The following DTNA variants were observed in gnomAD, a reference collection of about 807,000 sequenced individuals.
The protein encoded by DTNA is dystrobrevin alpha.
A neutral mutation model predicts 100.7 loss-of-function variants in DTNA; 43 were observed. The observed-to-expected ratio is 0.43, with a 90% confidence interval of 0.33 to 0.55. The LOEUF is 0.55. DTNA is among the 20% of genes least tolerant of loss of function. The pLI, the probability that DTNA is intolerant of heterozygous loss-of-function variation, is 0.04. For missense variants in DTNA, 798 were observed against 953.9 expected (o/e 0.84, Z 2.15); for synonymous variants, 349 against 347.9 (o/e 1.00, Z -0.04).
At chr18:34,793,781 G>A (rs1481710932) in intron 3 of DTNA, among the ~76,000 whole-genome samples, 1 of 152,166 alleles carries the variant, frequency 6.6e-6, no homozygotes, top group East Asian at 1.9e-4. Flanking sequence ...GATAATAGCT[G>A]TATTTCAAGA....
chr18:34,846,567 G>A (rs112314612), intron 13 of DTNA, among the ~76,000 whole-genome samples: 1,920 of 152,148 alleles, frequency 0.013, 42 homozygotes, highest in African/African-American at 0.043. Flanking sequence ...TAAGTCTAGA[G>A]TGGAAGTATT....
intron 1 of DTNA, among the ~76,000 whole-genome samples, chr18:34,669,692 G>A (rs1292470242): frequency 3.9e-5 from 6 of 152,098 alleles, no homozygotes; most frequent in African/African-American, 1.4e-4. Context: ...ATGAAGCTTA[G>A]TTTGGCTGGA....
At chr18:34,829,837 G>A (rs1022347938) in intron 11 of DTNA, among the ~76,000 whole-genome samples, 1 of 152,234 alleles carries the variant, frequency 6.6e-6, no homozygotes, top group African/African-American at 2.4e-5. Flanking sequence ...TAAGGAGTCT[G>A]TTGGAAAGAT....
intron 1 of DTNA, among the ~76,000 whole-genome samples, chr18:34,703,209 G>A (rs1199107316): frequency 2.0e-5 from 3 of 152,146 alleles, no homozygotes; most frequent in African/African-American, 7.2e-5. Context: ...CTGGGATGTA[G>A]AGCGTTCCTA....
In DTNA at chr18:34,863,995, T is replaced by C. The variant is rs1392628059; in HGVS notation, c.1676T>C (p.Met559Thr). The change falls in exon 17 of 23, where the codon ATG (methionine) becomes ACG (threonine). Residue 559 changes from methionine to threonine, a missense_variant. Around this residue, in one of 6 missense-constraint regions of DTNA, gnomAD observed 26 missense variants for 55.0 expected, o/e 0.47. Transcript: ENST00000444659. Reference protein sequence around the residue: ...RQRKDELEQRMSALQESRREL... With the variant: ...RQRKDELEQRTSALQESRREL... ...CGCAAAGATGAGCTGGAACAGAGAA[T>C]GTCTGCTCTCCAGGAGAGCCGGAGA... The C allele has an allele frequency of 3.1e-6, 5 of 1,612,184 alleles. No homozygotes were observed. Among genetic ancestry groups the C allele is most frequent in the African/African-American group, 2.7e-5 (2 of 74,892 alleles).
intron 1 of DTNA, among the ~76,000 whole-genome samples, chr18:34,616,723 T>C (rs2055362416): frequency 6.6e-6 from 1 of 152,184 alleles, no homozygotes; most frequent in Non-Finnish European, 1.5e-5. Context: ...AGCAATATGG[T>C]CATATTAACA....
intron 13 of DTNA, among the ~76,000 whole-genome samples, chr18:34,839,933 ATGCTCCT>A (rs1389621840): frequency 6.6e-6 from 1 of 152,098 alleles, no homozygotes; most frequent in Non-Finnish European, 1.5e-5. Flanking sequence ...CCATTGCTCC[ATGCTCCT>A]TGCCCTCACC....
At chr18:34,799,860 T>C (rs913469591) in intron 4 of DTNA, among the ~76,000 whole-genome samples, 2 of 152,148 alleles carry the variant, frequency 1.3e-5, no homozygotes, top group African/African-American at 2.4e-5. Context: ...ATTCCAACAG[T>C]ATTGACCCCT....
intron 18 of DTNA, among the ~76,000 whole-genome samples, chr18:34,875,876 C>G (rs1224080477): frequency 6.6e-6 from 1 of 152,144 alleles, no homozygotes; most frequent in Non-Finnish European, 1.5e-5. Flanking sequence ...CTCTGTAAGG[C>G]AGGGCTACAG....
intron 1 of DTNA, among the ~76,000 whole-genome samples, chr18:34,729,574 TA>T (rs536169581): frequency 4.1e-4 from 63 of 152,348 alleles, no homozygotes; most frequent in Non-Finnish European, 7.9e-4. Context: ...TTTCACACTT[TA>T]AAATCAGATG....
Position 34,875,353 on chromosome 18 carries a change from T to C in DTNA, c.1858T>C (p.Ser620Pro), listed in dbSNP as rs1324509307. The C allele has an allele frequency of 6.2e-7, 1 of 1,614,200 alleles. No individual in the cohort carries two copies. Among genetic ancestry groups the C allele is most frequent in the Non-Finnish European group, 8.5e-7 (1 of 1,180,032 alleles). ...CACCCCGACGCACACGCCGCAGGAC[T>C]CCCTCACAGGAGTAGGGGGAGATGT... ...CSTPTHTPQD[S>P]LTGVGGDVQE... Residue 620 changes from serine to proline, a missense_variant, in exon 18 of 23, where the codon TCC becomes CCC. By Grantham distance (74) the Ser-to-Pro change is moderately conservative. Transcript: ENST00000444659.
intron 10 of DTNA, among the ~76,000 whole-genome samples, chr18:34,828,382 G>C (rs544588062): frequency 6.6e-6 from 1 of 152,244 alleles, no homozygotes; most frequent in African/African-American, 2.4e-5. Context: ...CATGGAGAAG[G>C]CTCACGGGAA....
At chr18:34,523,359 C>A (rs913530406) in intron 1 of DTNA, among the ~76,000 whole-genome samples, 1 of 152,152 alleles carries the variant, frequency 6.6e-6, no homozygotes, top group Admixed American at 6.5e-5. Context: ...GCCTGTAGCA[C>A]AGGCAAAAAC....
At chr18:34,787,927 G>A (rs963334874) in intron 3 of DTNA, among the ~76,000 whole-genome samples, 1 of 152,082 alleles carries the variant, frequency 6.6e-6, no homozygotes, top group African/African-American at 2.4e-5. Context: ...TAAATATTAG[G>A]TTAAGAATGC....
chr18:34,652,520 C>G (rs1008252240), intron 1 of DTNA, among the ~76,000 whole-genome samples: 2 of 152,210 alleles, frequency 1.3e-5, no homozygotes, highest in African/African-American at 4.8e-5. Context: ...TACTGAGTAA[C>G]TGGTACATGC....
chr18:34,756,121 T>C, intron 2 of DTNA, 78 bp downstream of exon 2: 1 of 1,482,364 alleles, frequency 6.7e-7, no homozygotes, highest in Non-Finnish European at 9.3e-7. Flanking sequence ...ACCATTTATC[T>C]TTATGATATT....
At chr18:34,838,300 A>G in intron 12 of DTNA, 129 bp downstream of exon 12, 1 of 936,668 alleles carries the variant, frequency 1.1e-6, no homozygotes, top group African/African-American at 1.6e-5. Context: ...GCTTTAACCC[A>G]GTTAACAGCA....
rs112916053 is a variant in DTNA, at chr18:34,558,942, C to T, written c.-2+65428C>T. ...TGATGGAGATGGTTGACAGACTTTGCCTGTGACAAACTGCATATGCTTGTT... is the reference window on the plus strand; with the variant it reads ...TGATGGAGATGGTTGACAGACTTTGTCTGTGACAAACTGCATATGCTTGTT... On this transcript the variant is annotated intron_variant, in intron 1 of 19. Coordinates refer to the DTNA transcript ENST00000283365. Among the ~76,000 whole-genome samples, 354 of 152,300 alleles carry T rather than the reference C, an allele frequency of 2.3e-3. 2 individuals carry two copies. The highest frequency in any genetic ancestry group is 8.1e-3 in the African/African-American group (337 of 41,552).
intron 1 of DTNA, among the ~76,000 whole-genome samples, chr18:34,632,996 A>C (rs2058257665): frequency 6.6e-6 from 1 of 152,212 alleles, no homozygotes; most frequent in African/African-American, 2.4e-5. Flanking sequence ...GGATTAAAAA[A>C]ATTCTGAAAG....
Sources: allele counts gnomAD v4.1 joint callset (sites outside exome capture counted in the v4.1 genomes callset), GRCh38; gene constraint gnomAD v4.1.1; regional missense constraint gnomAD v4.1.1; transcripts MANE v1.5; gene names NCBI Gene and HGNC (gene_info 2026-07-23, HGNC 2026-07-21).